Variants in SLC36A1 observed in about 807,000 individuals in gnomAD.
The protein encoded by SLC36A1 is proton-coupled amino acid transporter 1.
In SLC36A1, 30 loss-of-function variants were observed where a neutral mutation model predicts 47.5. That is an observed-to-expected ratio of 0.63 (90% confidence interval 0.47 to 0.86). The LOEUF (loss-of-function observed/expected upper bound fraction) is 0.86. Ranked by LOEUF, SLC36A1 falls within the 40% of genes least tolerant of loss-of-function variation. The pLI, the probability that SLC36A1 is intolerant of heterozygous loss-of-function variation, is 0.00. For missense variants in SLC36A1, 517 were observed against 606.0 expected (o/e 0.85, Z 1.54); for synonymous variants, 255 against 249.7 (o/e 1.02, Z -0.20).
chr5:151,546,026 C>T, the SLC36A1 span: 1 of 1,614,164 alleles, frequency 6.2e-7, no homozygotes, highest in Non-Finnish European at 8.5e-7. Flanking sequence ...GAGAAGACTC[C>T]ATCCTTATTT....
chr5:151,388,934 A>T, the SLC36A1 span, among the ~76,000 whole-genome samples: 1 of 152,180 alleles, frequency 6.6e-6, no homozygotes, highest in African/African-American at 2.4e-5. Flanking sequence ...ATCATAAAAC[A>T]CTAACCACTT....
chr5:151,426,808 A>G, the SLC36A1 span, among the ~76,000 whole-genome samples: 3 of 152,178 alleles, frequency 2.0e-5, no homozygotes, highest in African/African-American at 7.2e-5. Flanking sequence ...CTTGGACCAT[A>G]CCCAGGCTTT....
chr5:151,383,300 C>T, the SLC36A1 span, among the ~76,000 whole-genome samples: 1 of 152,100 alleles, frequency 6.6e-6, no homozygotes, highest in Non-Finnish European at 1.5e-5. Flanking sequence ...TCACTGTTTC[C>T]AGGCCGGGGG....
upstream of SLC36A1, among the ~76,000 whole-genome samples, chr5:151,432,754 T>C (rs1759437800): frequency 6.6e-6 from 1 of 152,106 alleles, no homozygotes; most frequent in African/African-American, 2.4e-5. Flanking sequence ...AAGGGTTTGA[T>C]GGCTTGAAGA....
At chr5:151,522,174 T>C in the SLC36A1 span, 1 of 1,095,914 alleles carries the variant, frequency 9.1e-7, no homozygotes, top group Non-Finnish European at 1.3e-6. Context: ...TGGAGCTACG[T>C]TTCTCTGCCC....
At chr5:151,396,727 T>A in the SLC36A1 span, among the ~76,000 whole-genome samples, 4 of 151,998 alleles carry the variant, frequency 2.6e-5, no homozygotes, top group African/African-American at 9.7e-5. Context: ...ACTTAGTGAG[T>A]CTCTTCTATG....
the SLC36A1 span, among the ~76,000 whole-genome samples, chr5:151,373,751 G>A: frequency 6.6e-6 from 1 of 152,082 alleles, no homozygotes; most frequent in South Asian, 2.1e-4. Flanking sequence ...TAAAAAAATT[G>A]TTTTAGAGAC....
At chr5:151,508,696 T>C in the SLC36A1 span, among the ~76,000 whole-genome samples, 1 of 143,352 alleles carries the variant, frequency 7.0e-6, no homozygotes, top group Non-Finnish European at 1.5e-5. Context: ...GGCGACAGAG[T>C]GAAACTCCTT....
chr5:151,418,398 G>C, the SLC36A1 span, among the ~76,000 whole-genome samples: 7 of 152,342 alleles, frequency 4.6e-5, 1 homozygote, highest in South Asian at 1.2e-3. Flanking sequence ...GCAGCCAGGA[G>C]GGGGACTGTA....
chr5:151,461,154 ATTTTTTT>A (rs3086279), intron 2 of SLC36A1, among the ~76,000 whole-genome samples: 1 of 125,594 alleles, frequency 8.0e-6, no homozygotes, highest in Non-Finnish European at 1.7e-5. Context: ...TACTTTTTGT[ATTTTTTT>A]TTTTTTTTTT....
At chr5:151,391,870 T>G in the SLC36A1 span, among the ~76,000 whole-genome samples, 2 of 152,180 alleles carry the variant, frequency 1.3e-5, no homozygotes, top group South Asian at 2.1e-4. Context: ...TTTCTTTTTT[T>G]GTTGTGTCTC....
At chr5:151,496,553 GTGTT>G (rs1027316038), downstream of SLC36A1, among the ~76,000 whole-genome samples, 12 of 152,204 alleles carry the variant, frequency 7.9e-5, no homozygotes, top group Admixed American at 2.6e-4. Flanking sequence ...ACTATTTGTG[GTGTT>G]TGTTTGTTTG....
chr5:151,506,129 A>T, the SLC36A1 span: 2 of 1,489,932 alleles, frequency 1.3e-6, no homozygotes, highest in Non-Finnish European at 1.8e-6. Flanking sequence ...GGGTGAGCTC[A>T]TTTTCTCCCC....
the SLC36A1 span, among the ~76,000 whole-genome samples, chr5:151,516,300 A>G: frequency 6.6e-6 from 1 of 152,212 alleles, no homozygotes; most frequent in Admixed American, 6.5e-5. Context: ...GCTTGAGGCC[A>G]GGAGTTCAAG....
At chr5:151,438,873 AT>A (rs369541886) in intron 1 of SLC36A1, among the ~76,000 whole-genome samples, 3 of 152,078 alleles carry the variant, frequency 2.0e-5, no homozygotes, top group South Asian at 2.1e-4. Flanking sequence ...CCTTTGCCAC[AT>A]TTTTTTTCTT....
the SLC36A1 span, among the ~76,000 whole-genome samples, chr5:151,377,347 C>CTTTTTTTT: frequency 9.1e-5 from 11 of 120,298 alleles, no homozygotes; most frequent in South Asian, 2.9e-4. Flanking sequence ...CTGTCTCTTT[C>CTTTTTTTT]TTTTTTTTTT....
chr5:151,532,056 C>T, the SLC36A1 span: 3 of 1,531,436 alleles, frequency 2.0e-6, no homozygotes, highest in South Asian at 2.5e-5. Flanking sequence ...ACAGGAGGGG[C>T]TGGGGAGGGG....
At chr5:151,466,495 A>G (rs1756401806) in intron 5 of SLC36A1, among the ~76,000 whole-genome samples, 2 of 151,808 alleles carry the variant, frequency 1.3e-5, no homozygotes, top group Admixed American at 6.6e-5. Flanking sequence ...ACTGCTGTGT[A>G]ATGTTCCATT....
the SLC36A1 span, among the ~76,000 whole-genome samples, chr5:151,395,112 C>G: frequency 1.3e-5 from 2 of 152,228 alleles, no homozygotes; most frequent in African/African-American, 4.8e-5. Flanking sequence ...ATGGTTGGCA[C>G]CCCTCCCACA....
Sources: allele counts gnomAD v4.1 joint callset (sites outside exome capture counted in the v4.1 genomes callset), GRCh38; gene constraint gnomAD v4.1.1; transcripts MANE v1.5; gene names NCBI Gene and HGNC (gene_info 2026-07-23, HGNC 2026-07-21).